Variants in RORA observed in about 807,000 individuals in gnomAD.
The protein encoded by RORA is nuclear receptor ROR-alpha.
RORA carries 7 observed loss-of-function variants against 69.5 expected under a neutral mutation model. The ratio of observed to expected loss-of-function variants is 0.10; its 90% CI spans 0.06 to 0.19. The LOEUF (loss-of-function observed/expected upper bound fraction) is 0.19. RORA is among the 10% of genes least tolerant of loss of function. RORA has a pLI of 1.00. For synonymous variants in RORA, 261 were observed against 240.8 expected (o/e 1.08, Z -0.78); for missense variants, 457 against 663.0 (o/e 0.69, Z 3.41).
chr15:61,152,809 T>C (rs2079408858), intron 1 of RORA, among the ~76,000 whole-genome samples: 1 of 152,162 alleles, frequency 6.6e-6, no homozygotes, highest in Non-Finnish European at 1.5e-5. Context: ...ATCAAGAACC[T>C]AAGATGCAAG....
intron 1 of RORA, among the ~76,000 whole-genome samples, chr15:60,775,357 C>T (rs1169156864): frequency 6.6e-6 from 1 of 152,100 alleles, no homozygotes; most frequent in Non-Finnish European, 1.5e-5. Flanking sequence ...GAAAAAAACC[C>T]CTGATTTTCC....
intron 1 of RORA, among the ~76,000 whole-genome samples, chr15:61,203,912 T>C (rs2079916610): frequency 6.6e-6 from 1 of 152,192 alleles, no homozygotes; most frequent in Non-Finnish European, 1.5e-5. Flanking sequence ...CCGTTGACAA[T>C]GTGGAGAATG....
intron 3 of RORA, chr15:60,528,768 T>C (rs1383865971): frequency 6.6e-6 from 1 of 152,192 alleles, no homozygotes; most frequent in Non-Finnish European, 1.5e-5. Flanking sequence ...CCAGGTACTT[T>C]CCTTAAATGC....
Position 60,531,922 on chromosome 15 carries a change from G to T in RORA, c.197-71C>A. On this transcript the variant is annotated intron_variant, in intron 2 of 10. Coordinates refer to ENST00000335670, the MANE Select transcript of RORA (RefSeq NM_134261.3). The surrounding 1 kb of genome is among the most constrained non-coding windows in gnomAD (Gnocchi z 4.8). ...ACCTTATAAAAGCGTTCCCTGATCA[G>T]CATTTGTATAGTGAAAACTAATAAC... 1 of 858,164 alleles carries T rather than the reference G, an allele frequency of 1.2e-6. No individual in the cohort carries two copies. The highest frequency in any genetic ancestry group is 1.9e-6 in the Non-Finnish European group (1 of 533,700). The allele number at this position is 858,164 out of a possible 1,614,324, so 53.2% of individuals were successfully genotyped here.
intron 1 of RORA, among the ~76,000 whole-genome samples, chr15:60,700,538 T>C (rs2070967336): frequency 6.6e-6 from 1 of 151,964 alleles, no homozygotes; most frequent in South Asian, 2.1e-4. Flanking sequence ...CTCTACTTCA[T>C]GACGGGGAAA....
intron 1 of RORA, among the ~76,000 whole-genome samples, chr15:61,072,997 G>A (rs1200105385): frequency 1.3e-5 from 2 of 152,208 alleles, no homozygotes; most frequent in Non-Finnish European, 2.9e-5. Flanking sequence ...TAGACCTAAG[G>A]TAGTTTTGCA....
intron 1 of RORA, among the ~76,000 whole-genome samples, chr15:61,015,231 C>A (rs995873668): frequency 8.5e-5 from 13 of 152,140 alleles, no homozygotes; most frequent in African/African-American, 3.1e-4. Context: ...ACAAGGAAAG[C>A]CCTGGCGGCA....
At chr15:61,049,725 T>C (rs1045950547) in intron 1 of RORA, among the ~76,000 whole-genome samples, 1 of 152,174 alleles carries the variant, frequency 6.6e-6, no homozygotes, top group Non-Finnish European at 1.5e-5. Flanking sequence ...AATGGCATGA[T>C]CTCAGCTCAC....
intron 1 of RORA, among the ~76,000 whole-genome samples, chr15:60,993,798 T>C (rs1027220523): frequency 1.3e-5 from 2 of 152,134 alleles, no homozygotes; most frequent in Non-Finnish European, 2.9e-5. Context: ...GCAAAATCAT[T>C]TGGTATTCTT....
chr15:60,823,242 T>A (rs1396708910), intron 1 of RORA, among the ~76,000 whole-genome samples: 1 of 151,778 alleles, frequency 6.6e-6, no homozygotes, highest in East Asian at 1.9e-4. Context: ...AAGGCTGGAG[T>A]GCAATGGTGC....
chr15:60,651,103 C>T (rs988908050), intron 2 of RORA, among the ~76,000 whole-genome samples: 3 of 152,166 alleles, frequency 2.0e-5, no homozygotes, highest in Non-Finnish European at 2.9e-5. Flanking sequence ...GAATACTGAA[C>T]AGTTTTGATT....
At chr15:61,174,889 T>C (rs192624496) in intron 1 of RORA, among the ~76,000 whole-genome samples, 1 of 152,316 alleles carries the variant, frequency 6.6e-6, no homozygotes, top group Non-Finnish European at 1.5e-5. Context: ...ATTTTCTACA[T>C]GAGAGCACTG....
intron 2 of RORA, chr15:60,546,361 G>A (rs7174865): frequency 1 from 152,349 of 152,352 alleles, 76,173 homozygotes; most frequent in Non-Finnish European, 1. Flanking sequence ...TACTTTAGCA[G>A]TGGCTATAAA....
chr15:61,119,085 G>GT lies in RORA; in HGVS notation c.166+109967_166+109968insA, dbSNP rs1050632166. 7.3e-5 allele frequency among the ~76,000 whole-genome samples: 11 copies of GT among 150,442 alleles called. 1 individual carries two copies. The East Asian group carries it at 1.8e-3, about 25-fold the overall frequency. On this transcript the variant is annotated intron_variant, in intron 1 of 10. Transcript: ENST00000335670. ...CGGGAAGATGCAGTTAACAGAAGGG[G>GT]GGGGGGGGCGCCATGGAGCAGTCGT...
At chr15:60,781,993 G>A (rs1464995590) in intron 1 of RORA, among the ~76,000 whole-genome samples, 1 of 152,190 alleles carries the variant, frequency 6.6e-6, no homozygotes, top group East Asian at 1.9e-4. Context: ...CTGGGAGGCC[G>A]ACGAGGGCGG....
Position 60,790,902 on chromosome 15 carries a change from C to T in RORA, c.167-112216G>A, listed in dbSNP as rs545137664. Reference sequence around the variant, plus strand: ...GTTACCACAGGTATTTTCCTTTCAACACCATCATGGTAACGTTTTTCTCTT... The same window carrying T: ...GTTACCACAGGTATTTTCCTTTCAATACCATCATGGTAACGTTTTTCTCTT... On this transcript the variant is annotated intron_variant, in intron 1 of 10. Transcript: ENST00000335670. 5.3e-5 allele frequency among the ~76,000 whole-genome samples: 8 copies of T among 152,268 alleles called. No individual in the cohort carries two copies. In the South Asian group the frequency reaches 1.7e-3, roughly 32 times the overall value.
intron 1 of RORA, among the ~76,000 whole-genome samples, chr15:60,808,630 A>G (rs1225440233): frequency 6.6e-6 from 1 of 151,458 alleles, no homozygotes; most frequent in Non-Finnish European, 1.5e-5. Flanking sequence ...ATAGCGGCAC[A>G]TTTTACAATT....
chr15:61,221,793 A>G (rs2080099409), intron 1 of RORA, among the ~76,000 whole-genome samples: 2 of 152,090 alleles, frequency 1.3e-5, no homozygotes, highest in South Asian at 2.1e-4. Context: ...CTTGCATCCC[A>G]GAAGAGTTTA....
intron 1 of RORA, among the ~76,000 whole-genome samples, chr15:60,796,581 G>T (rs1782393086): frequency 6.6e-6 from 1 of 152,036 alleles, no homozygotes; most frequent in African/African-American, 2.4e-5. Context: ...CATGCTGGTT[G>T]GAATATAACG....
Sources: allele counts gnomAD v4.1 joint callset (sites outside exome capture counted in the v4.1 genomes callset), GRCh38; gene constraint gnomAD v4.1.1; non-coding constraint Gnocchi (gnomAD v3.1); transcripts MANE v1.5; gene names NCBI Gene and HGNC (gene_info 2026-07-23, HGNC 2026-07-21).